TTN: variants seen among roughly 807,000 people sequenced by gnomAD.
TTN encodes the protein connectin.
Under a neutral mutation model 3,223.0 loss-of-function variants are expected in TTN, and 1,525 were observed. The ratio of observed to expected loss-of-function variants is 0.47; its 90% confidence interval spans 0.45 to 0.49. TTN has a LOEUF of 0.49. TTN is among the 20% of genes least tolerant of loss of function. The pLI is 0.00. For synonymous variants in TTN, 14,094 were observed against 15,161.0 expected, an observed-to-expected ratio of 0.93 and a Z score of 5.17; for missense variants, 40,786 against 43,424.0, an observed-to-expected ratio of 0.94 and a Z score of 5.40.
Position 178,726,181 on chromosome 2 carries a change from T to A in TTN, c.20276-135A>T, listed in dbSNP as rs2079305586. On this transcript the variant is annotated intron_variant, in intron 69 of 362. Transcript: ENST00000589042. ...GTAGAGTCCAGCACTAACACTCTCA[T>A]GGGATAACAGCCTCAGAAGCCATTT... The A allele has an allele frequency of 2.9e-6, 3 of 1,045,616 alleles. No individual in the cohort carries two copies. The Admixed American group carries it at 1.0e-4, about 36-fold the overall frequency. 64.8% of individuals were successfully genotyped at this position (1,045,616 alleles called of 1,614,324 possible).
chr2:178,607,877 C>T lies in TTN; in HGVS notation c.52910G>A (p.Gly17637Asp). The T allele has an allele frequency of 6.2e-7, 1 of 1,613,018 alleles. No individual in the cohort carries two copies. Among genetic ancestry groups the T allele is most frequent in the Non-Finnish European group, 8.5e-7 (1 of 1,179,318 alleles). ...RQYTVKEIRE[G>D]ADYKLRVSAV... ...ACTCACCCGAAGTTTGTAATCAGCA[C>T]CCTCTCGGATTTCTTTGACGGTGTA... Residue 17637 changes from glycine (G) to aspartate (D), a missense_variant, in exon 276 of 363, where the codon GGT becomes GAT. Physicochemically the swap from Gly to Asp is moderately conservative, Grantham distance 94. Transcript: ENST00000589042.
Position 178,589,572 on chromosome 2 carries a change from A to G in TTN, c.62153T>C (p.Val20718Ala). The G allele has an allele frequency of 1.9e-6, 3 of 1,613,220 alleles. No individual in the cohort carries two copies. In the South Asian group the frequency reaches 3.3e-5, roughly 18 times the overall value. Residue 20718 changes from valine (V) to alanine (A), a missense_variant, in exon 304 of 363, where the codon GTG becomes GCG. By Grantham distance (64) the Val-to-Ala change is moderately conservative. Transcript: ENST00000589042. ...AGTTTCTTTAATGCTTCCTTTATGC[A>G]CTCTTTCCCAGTCATCGGAGCCCTT... ...RLKGSDDWER[V>A]HKGSIKETHY... is the part of the protein sequence containing the mutation.
rs546865984 is a variant in TTN at position 178,601,792 on chromosome 2, A to G, written c.55303-5T>C. On this transcript the variant is annotated splice_polypyrimidine_tract_variant and splice_region_variant and intron_variant, in intron 285 of 362. Transcript: ENST00000589042. ...GGAGTTTTCAGCAGTCTCCAGCTGT[A>G]CAAAGAAAATAGTAGTCATACATTG... 5.0e-6 allele frequency: 8 copies of G among 1,601,902 alleles called. No individual in the cohort carries two copies. The highest frequency in any genetic ancestry group is 1.3e-5 in the African/African-American group (1 of 74,256).
Position 178,733,409 on chromosome 2 carries a change from T to C in TTN, c.15884A>G (p.Tyr5295Cys), listed in dbSNP as rs753916999. 1 of 1,613,858 alleles carries C rather than the reference T, an allele frequency of 6.2e-7. No individual in the cohort carries two copies. Among genetic ancestry groups the C allele is most frequent in the Admixed American group, 1.7e-5 (1 of 60,020 alleles). ...GGCGACCAAGGGTCTCCCATCTTTGTACCATTTGGGCTTCAGTTCTGGCGT... is the reference window on the plus strand; with the variant it reads ...GGCGACCAAGGGTCTCCCATCTTTGCACCATTTGGGCTTCAGTTCTGGCGT... ...AGTPELKPKW[Y>C]KDGRPLVASK... Residue 5295 changes from tyrosine (Y) to cysteine (C), a missense_variant, in exon 54 of 363, where the codon TAC (tyrosine) becomes TGC (cysteine). By Grantham distance (194) the Tyr-to-Cys change is radical. Transcript: ENST00000589042.
chr2:178,633,047 G>A lies in TTN; in HGVS notation c.43087-3C>T. 3 of 1,611,926 alleles carry A rather than the reference G, an allele frequency of 1.9e-6. No homozygotes were observed. The highest frequency in any genetic ancestry group is 1.3e-5 in the African/African-American group (1 of 74,926). On this transcript the variant is annotated splice_polypyrimidine_tract_variant and splice_region_variant and intron_variant, in intron 233 of 362. Coordinates refer to ENST00000589042, the MANE Select transcript of TTN (RefSeq NM_001267550.2). ...CCATCCTCAATGATTTCACAGTCCTGTTTGGAGTGAGGGTTAGAAGGAAAG... is the reference window on the plus strand; with the variant it reads ...CCATCCTCAATGATTTCACAGTCCTATTTGGAGTGAGGGTTAGAAGGAAAG...
At position 178,722,539 on chromosome 2, in the gene TTN, T is replaced by C. The variant is rs1343956935; in HGVS notation, c.22248A>G (p.Gln7416=). The change falls in exon 77 of 363, where the codon CAA becomes CAG. Residue 7416 remains glutamine, a synonymous_variant. Coordinates refer to ENST00000589042, the MANE Select transcript of TTN (RefSeq NM_001267550.2). ...ATTGTCTTGCAAAAGAAGGTGGGAGTTGGCGCTCTGTAGGGAGACATGTAA... is the reference window on the plus strand; with the variant it reads ...ATTGTCTTGCAAAAGAAGGTGGGAGCTGGCGCTCTGTAGGGAGACATGTAA... The part of the protein sequence containing the change: ...SKTVFRIQER[Q]LPPSFARQLK... 4 of 1,611,182 alleles carry C rather than the reference T, an allele frequency of 2.5e-6. No homozygotes were observed. The highest frequency in any genetic ancestry group is 3.4e-6 in the Non-Finnish European group (4 of 1,178,314).
chr2:178,563,357 C>T lies in TTN; in HGVS notation c.82775G>A (p.Ser27592Asn). 6.2e-7 allele frequency: 1 copy of T among 1,613,590 alleles called. No homozygotes were observed. Among genetic ancestry groups the T allele is most frequent in the Non-Finnish European group, 8.5e-7 (1 of 1,179,726 alleles). Reference sequence around the variant, plus strand: ...TGCGCCACCATCATAAATTGGCTTACTCCATGCCAGGGAGACAGAAGATCT... The same window carrying T: ...TGCGCCACCATCATAAATTGGCTTATTCCATGCCAGGGAGACAGAAGATCT... ...TSRSSVSLAW[S>N]KPIYDGGAPV... Residue 27592 changes from serine (S) to asparagine (N), a missense_variant, in exon 326 of 363, where the codon AGT becomes AAT. Ser to Asn is a conservative substitution (Grantham distance 46). Coordinates refer to ENST00000589042, the MANE Select transcript of TTN (RefSeq NM_001267550.2). The surrounding 1 kb of genome is among the most constrained non-coding windows in gnomAD (Gnocchi z 4.5).
At position 178,573,189 on chromosome 2, in the gene TTN, A is replaced by G. The variant is rs794729492; in HGVS notation, c.72943T>C (p.Tyr24315His). ...TTAAACACAGTGTCACAAGCCTTGTAAAATGGACTGGTAGGACTTGGTGCA... is the reference window on the plus strand; with the variant it reads ...TTAAACACAGTGTCACAAGCCTTGTGAAATGGACTGGTAGGACTTGGTGCA... ...ISAPSPTSPFYKACDTVFKPG... is the reference protein window; with the variant it reads ...ISAPSPTSPFHKACDTVFKPG... Residue 24315 changes from tyrosine (Y) to histidine (H), a missense_variant, in exon 326 of 363, where the codon TAC becomes CAC. By Grantham distance (83) the Tyr-to-His change is moderately conservative. Coordinates refer to ENST00000589042, the MANE Select transcript of TTN (RefSeq NM_001267550.2). 4 of 1,610,286 alleles carry G rather than the reference A, an allele frequency of 2.5e-6. No individual in the cohort carries two copies. Among genetic ancestry groups the G allele is most frequent in the Non-Finnish European group, 3.4e-6 (4 of 1,177,752 alleles).
In TTN at chr2:178,618,301, A is replaced by G. The variant is rs1184628463; in HGVS notation, c.47157T>C (p.Thr15719=). 3 of 1,612,652 alleles carry G rather than the reference A, an allele frequency of 1.9e-6. No individual in the cohort carries two copies. The African/African-American group carries it at 4.0e-5, about 22-fold the overall frequency. ...DRAESCEFTV[T]GLQKGGVEYL... is the part of the protein sequence containing the mutation. ...ACTCAACTCCTCCTTTCTGTAGACC[A>G]GTGACAGTAAACTCACAACTCTCTG... Residue 15719 remains threonine (T), a synonymous_variant, in exon 252 of 363, where the codon ACT becomes ACC. Coordinates refer to ENST00000589042, the MANE Select transcript of TTN (RefSeq NM_001267550.2).
Position 178,571,104 on chromosome 2 carries a change from G to C in TTN, c.75028C>G (p.Pro25010Ala), listed in dbSNP as rs1239890589. 6.2e-7 allele frequency: 1 copy of C among 1,613,392 alleles called. No homozygotes were observed. Among genetic ancestry groups the C allele is most frequent in the East Asian group, 2.2e-5 (1 of 44,822 alleles). Residue 25010 changes from proline to alanine, a missense_variant, in exon 326 of 363, where the codon CCA (proline) becomes GCA (alanine). Coordinates refer to ENST00000589042, the MANE Select transcript of TTN (RefSeq NM_001267550.2). ...CYVARDPCDP[P>A]GRPEAIIVTR... Reference sequence around the variant, plus strand: ...ACAATGATTGCCTCTGGCCGTCCTGGTGGATCACATGGGTCACGAGCCACA... The same window carrying C: ...ACAATGATTGCCTCTGGCCGTCCTGCTGGATCACATGGGTCACGAGCCACA...
intron 147 of TTN, 91 bp downstream of exon 147, chr2:178,677,110 G>T: frequency 1.3e-6 from 1 of 762,778 alleles, no homozygotes; most frequent in Non-Finnish European, 1.7e-6. Flanking sequence ...TATCCATTTT[G>T]TAAATATAAT....
At position 178,544,451 on chromosome 2, in the gene TTN, A is replaced by T; in HGVS notation, c.95778T>A (p.Ile31926=). The change falls in exon 345 of 363, where the codon ATT becomes ATA. Residue 31926 remains isoleucine (I), a synonymous_variant. Transcript: ENST00000589042. ...PRVVDTTKHS[I]SLAWTKPMYD... is the part of the protein sequence containing the mutation. ...ACATGGGTTTGGTCCATGCCAAACT[A>T]ATGCTGTGTTTGGTGGTATCCACAA... is the stretch of plus-strand genomic sequence containing the variant. The T allele has an allele frequency of 6.2e-7, 1 of 1,613,522 alleles. No homozygotes were observed. Among genetic ancestry groups the T allele is most frequent in the Non-Finnish European group, 8.5e-7 (1 of 1,179,506 alleles).
chr2:178,729,000 C>T lies in TTN; in HGVS notation c.19038G>A (p.Val6346=), dbSNP rs2079884875. 6.2e-7 allele frequency: 1 copy of T among 1,612,978 alleles called. No individual in the cohort carries two copies. Among genetic ancestry groups the T allele is most frequent in the Non-Finnish European group, 8.5e-7 (1 of 1,179,476 alleles). The change falls in exon 65 of 363, where the codon GTG becomes GTA. Residue 6346 remains valine, a synonymous_variant. Transcript: ENST00000589042. The part of the protein sequence containing the change: ...DNVYISFVDS[V]ATLQIRSVDN... ...CCACACTTCTGATTTGAAGTGTGGCCACACTGTCCACAAATGAAATATAGA... is the reference window on the plus strand; with the variant it reads ...CCACACTTCTGATTTGAAGTGTGGCTACACTGTCCACAAATGAAATATAGA...
At position 178,577,598 on chromosome 2, in the gene TTN, C is replaced by T; in HGVS notation, c.68824+4G>A. 1 of 1,581,948 alleles carries T rather than the reference C, an allele frequency of 6.3e-7. No individual in the cohort carries two copies. The highest frequency in any genetic ancestry group is 1.2e-5 in the South Asian group (1 of 84,778). On this transcript the variant is annotated splice_donor_region_variant and intron_variant, in intron 323 of 362. Coordinates refer to ENST00000589042, the MANE Select transcript of TTN (RefSeq NM_001267550.2). ...AAAGTACATAAAAAGTAAAATGGAC[C>T]TACCGTATTCATCCTTGCAAATAAT...
In TTN at chr2:178,789,521, A is replaced by C; in HGVS notation, c.1939-24T>G. ...ATCTGATTATTACAGTAAAATCAAG[A>C]TTTAAGTTGAACAGGGCTTCAAACA... On this transcript the variant is annotated intron_variant, in intron 12 of 362. Transcript: ENST00000589042. 1.9e-6 allele frequency: 3 copies of C among 1,612,626 alleles called. No individual in the cohort carries two copies. In the South Asian group the frequency reaches 3.3e-5, roughly 18 times the overall value.
At chr2:178,793,303 A>G in intron 9 of TTN, 101 bp downstream of exon 9, 2 of 1,503,246 alleles carry the variant, frequency 1.3e-6, no homozygotes, top group Non-Finnish European at 1.8e-6. Context: ...TATGCTAACA[A>G]CCATGTGGCC....
At position 178,727,143 on chromosome 2, in the gene TTN, T is replaced by C. The variant is rs1380825036; in HGVS notation, c.20222A>G (p.Glu6741Gly). The C allele has an allele frequency of 6.2e-7, 1 of 1,604,894 alleles. No individual in the cohort carries two copies. Among genetic ancestry groups the C allele is most frequent in the African/African-American group, 1.3e-5 (1 of 74,704 alleles). ...TGTGCTGCCAGCGGGATTCTGAGCC[T>C]CACAAATGAAATCTCCACTGTCCTC... is the stretch of plus-strand genomic sequence containing the variant. ...STEDSGDFIC[E>G]AQNPAGSTSC... The change falls in exon 69 of 363, where the codon GAG becomes GGG. Residue 6741 changes from glutamate to glycine, a missense_variant. Coordinates refer to ENST00000589042, the MANE Select transcript of TTN (RefSeq NM_001267550.2).
chr2:178,604,344 T>C, intron 281 of TTN, 39 bp from the exon 282 acceptor site: 1 of 1,391,322 alleles, frequency 7.2e-7, no homozygotes, highest in South Asian at 2.0e-5. Context: ...GAAGAGAATA[T>C]ACTTATGTTG....
At position 178,529,053 on chromosome 2, in the gene TTN, T is replaced by G; in HGVS notation, c.106698A>C (p.Glu35566Asp). The change falls in exon 360 of 363, where the codon GAA (glutamate) becomes GAC (aspartate). Residue 35566 changes from glutamate to aspartate, a missense_variant. Coordinates refer to ENST00000589042, the MANE Select transcript of TTN (RefSeq NM_001267550.2). ...CTTCAGAAATCAGAACCTTTGAAGC[T>G]TCCTCTTTGAGGGCTAACTTTTCTT... ...KSQEKLALKE[E>D]ASKVLISEEV... The G allele has an allele frequency of 6.2e-7, 1 of 1,613,962 alleles. No homozygotes were observed. The highest frequency in any genetic ancestry group is 8.5e-7 in the Non-Finnish European group (1 of 1,179,862).
Sources: allele counts gnomAD v4.1 joint callset, GRCh38; gene constraint gnomAD v4.1.1; non-coding constraint Gnocchi (gnomAD v3.1); transcripts MANE v1.5; gene names NCBI Gene and HGNC (gene_info 2026-07-23, HGNC 2026-07-21).